TEK: variants seen among roughly 807,000 people sequenced by gnomAD.
TEK encodes TEK receptor tyrosine kinase.
A neutral mutation model predicts 131.8 loss-of-function variants in TEK; 43 were observed. That is an observed-to-expected ratio of 0.33 (90% CI 0.26 to 0.42). The LOEUF is 0.42. Among genes scored for constraint, TEK ranks in the 10% least tolerant of loss-of-function variants. TEK has a pLI of 1.00. For synonymous variants in TEK, 580 were observed against 491.6 expected, an observed-to-expected ratio of 1.18 and a Z score of -2.38; for missense variants, 1,162 against 1,384.4, an observed-to-expected ratio of 0.84 and a Z score of 2.55.
At chr9:27,115,238 C>T (rs924121341) in intron 1 of TEK, among the ~76,000 whole-genome samples, 14 of 152,132 alleles carry the variant, frequency 9.2e-5, no homozygotes, top group African/African-American at 3.4e-4. Flanking sequence ...GTGGCTCACA[C>T]CTGTAATCCT....
intron 5 of TEK, 148 bp downstream of exon 5, chr9:27,172,895 GC>G: frequency 8.8e-7 from 1 of 1,141,012 alleles, no homozygotes; most frequent in Non-Finnish European, 1.3e-6. Context: ...AGAAAAAGGT[GC>G]CTTTTCCTAA....
At chr9:27,137,968 T>C (rs1323596944) in intron 1 of TEK, among the ~76,000 whole-genome samples, 4 of 152,160 alleles carry the variant, frequency 2.6e-5, no homozygotes, top group Non-Finnish European at 5.9e-5. Flanking sequence ...AGTTTCTTCC[T>C]TCCAGTGGGT....
At chr9:27,161,397 A>G (rs564241394) in intron 2 of TEK, among the ~76,000 whole-genome samples, 23 of 152,366 alleles carry the variant, frequency 1.5e-4, no homozygotes, top group African/African-American at 5.0e-4. Flanking sequence ...TTTGTTTTAA[A>G]TAAGTTGGTA....
chr9:27,120,884 G>A (rs569219957), intron 1 of TEK, among the ~76,000 whole-genome samples: 18 of 152,314 alleles, frequency 1.2e-4, no homozygotes, highest in Admixed American at 4.6e-4. Flanking sequence ...CTTGGTACTT[G>A]CCTTTGTCAT....
At chr9:27,177,810 G>T (rs1824226827) in intron 6 of TEK, among the ~76,000 whole-genome samples, 1 of 152,158 alleles carries the variant, frequency 6.6e-6, no homozygotes, top group African/African-American at 2.4e-5. Context: ...TTTTTTATCA[G>T]GTTGTTTTCT....
intron 6 of TEK, among the ~76,000 whole-genome samples, chr9:27,179,692 C>G (rs1347572759): frequency 6.6e-6 from 1 of 152,164 alleles, no homozygotes; most frequent in African/African-American, 2.4e-5. Flanking sequence ...TGCTTTGAGT[C>G]TATACTGAGC....
At chr9:27,123,973 C>T (rs369552730) in intron 1 of TEK, among the ~76,000 whole-genome samples, 5 of 152,184 alleles carry the variant, frequency 3.3e-5, no homozygotes, top group Non-Finnish European at 4.4e-5. Flanking sequence ...GATGGGGTTT[C>T]GCCAAGTTGG....
intron 1 of TEK, among the ~76,000 whole-genome samples, chr9:27,129,942 T>C (rs1433030139): frequency 1.3e-5 from 2 of 152,220 alleles, no homozygotes; most frequent in Non-Finnish European, 2.9e-5. Flanking sequence ...AGTATTGTTT[T>C]CTTATATATT....
chr9:27,210,934 A>G (rs1484847084), intron 16 of TEK, among the ~76,000 whole-genome samples: 3 of 152,078 alleles, frequency 2.0e-5, no homozygotes, highest in African/African-American at 7.2e-5. Context: ...CTGGCCAACC[A>G]ACATGGTGAA....
intron 19 of TEK, among the ~76,000 whole-genome samples, chr9:27,218,202 G>T (rs550312684): frequency 1.5e-3 from 232 of 151,380 alleles, no homozygotes; most frequent in African/African-American, 5.4e-3. Flanking sequence ...GGATTGGCTT[G>T]AGATTTAGGT....
chr9:27,186,497 G>T (rs151136268), intron 9 of TEK, among the ~76,000 whole-genome samples: 44 of 152,302 alleles, frequency 2.9e-4, no homozygotes, highest in African/African-American at 1.0e-3. Context: ...GTCTGTACAT[G>T]TTCAGACACA....
chr9:27,221,612 C>T (rs1181968211), intron 21 of TEK, among the ~76,000 whole-genome samples: 1 of 152,212 alleles, frequency 6.6e-6, no homozygotes, highest in Non-Finnish European at 1.5e-5. Context: ...TAGTGATATC[C>T]AGGCAGACAG....
intron 2 of TEK, among the ~76,000 whole-genome samples, chr9:27,161,900 A>C (rs1176285460): frequency 6.6e-6 from 1 of 152,218 alleles, no homozygotes; most frequent in African/African-American, 2.4e-5. Context: ...CTTCACAGTA[A>C]ATGTTTAACA....
chr9:27,219,244 C>CATTT (rs1564107294), intron 20 of TEK, among the ~76,000 whole-genome samples: 1 of 152,108 alleles, frequency 6.6e-6, no homozygotes, highest in African/African-American at 2.4e-5. Context: ...AAGGTAATAA[C>CATTT]ATTTATTCTT....
chr9:27,146,622 A>T (rs1311980241), intron 1 of TEK, among the ~76,000 whole-genome samples: 1 of 151,718 alleles, frequency 6.6e-6, no homozygotes, highest in Non-Finnish European at 1.5e-5. Flanking sequence ...AGTAGCATGG[A>T]TATACTATAG....
rs1424077858 is a variant in TEK at position 27,109,300 on chromosome 9, T to C, written c.-291T>C. The stretch of plus-strand genomic sequence containing the variant: ...ATAAGTGTTTTGATGAATTGCGAGA[T>C]GGATAGGGCTTGAGTGCCCCCAGCC... On this transcript the variant is annotated 5_prime_UTR_variant, in exon 1 of 23. It removes an upstream start codon present in the reference 5' UTR. Transcript: ENST00000380036. The C allele has an allele frequency of 1.9e-6, 1 of 538,850 alleles. No homozygotes were observed. Among genetic ancestry groups the C allele is most frequent in the South Asian group, 3.0e-5 (1 of 33,738 alleles). The allele number at this position is 538,850 out of a possible 1,614,324, so 33.4% of individuals were successfully genotyped here. A position where few individuals can be genotyped will look rare whatever the true frequency, so the allele number is the denominator to read the frequency against.
chr9:27,145,548 T>C (rs1041902706), intron 1 of TEK, among the ~76,000 whole-genome samples: 2 of 152,198 alleles, frequency 1.3e-5, no homozygotes, highest in African/African-American at 4.8e-5. Context: ...AAATCAATGA[T>C]TTAGAAGCTA....
At chr9:27,174,341 G>A (rs780150190) in intron 6 of TEK, among the ~76,000 whole-genome samples, 2 of 152,118 alleles carry the variant, frequency 1.3e-5, no homozygotes, top group African/African-American at 4.8e-5. Flanking sequence ...ATGCTCCAGG[G>A]CAGAGCAGTT....
At chr9:27,117,590 A>G (rs1821620005) in intron 1 of TEK, among the ~76,000 whole-genome samples, 1 of 152,118 alleles carries the variant, frequency 6.6e-6, no homozygotes, top group Non-Finnish European at 1.5e-5. Flanking sequence ...TGCCAGATGC[A>G]GAGTCCTGAC....
Sources: allele counts gnomAD v4.1 joint callset (sites outside exome capture counted in the v4.1 genomes callset), GRCh38; gene constraint gnomAD v4.1.1; transcripts MANE v1.5; gene names NCBI Gene and HGNC (gene_info 2026-07-23, HGNC 2026-07-21).